ABTB3: variants seen among roughly 807,000 people sequenced by gnomAD.
ABTB3 encodes ankyrin repeat and BTB domain containing 3.
the ABTB3 span, among the ~76,000 whole-genome samples, chr12:107,465,348 C>G: frequency 3.9e-5 from 6 of 152,108 alleles, no homozygotes; most frequent in African/African-American, 1.4e-4. Flanking sequence ...GGCAGACCAG[C>G]TCCAGGGTGC....
the ABTB3 span, among the ~76,000 whole-genome samples, chr12:107,542,267 G>A: frequency 1.9e-4 from 27 of 140,592 alleles, no homozygotes; most frequent in Non-Finnish European, 3.6e-4. Flanking sequence ...AGCCGAGATC[G>A]CACCACTGCA....
At chr12:107,458,584 C>T in the ABTB3 span, among the ~76,000 whole-genome samples, 1 of 152,170 alleles carries the variant, frequency 6.6e-6, no homozygotes, top group South Asian at 2.1e-4. Flanking sequence ...ATCCACCCCT[C>T]ACATTACTGA....
chr12:107,612,918 G>T, the ABTB3 span: 1 of 1,555,942 alleles, frequency 6.4e-7, no homozygotes, highest in African/African-American at 1.4e-5. Flanking sequence ...GTCCCCAGGG[G>T]AAAGCGAGCA....
the ABTB3 span, among the ~76,000 whole-genome samples, chr12:107,466,664 C>A: frequency 6.6e-6 from 1 of 151,970 alleles, no homozygotes; most frequent in African/African-American, 2.4e-5. Context: ...TGGACTTCTG[C>A]ATGGGGTTGA....
chr12:107,511,461 C>T, the ABTB3 span, among the ~76,000 whole-genome samples: 1 of 152,052 alleles, frequency 6.6e-6, no homozygotes, highest in Admixed American at 6.6e-5. Context: ...TGGCCGGACT[C>T]TCTTACATTT....
chr12:107,626,220 T>G, the ABTB3 span, among the ~76,000 whole-genome samples: 1 of 152,186 alleles, frequency 6.6e-6, no homozygotes, highest in African/African-American at 2.4e-5. Context: ...ATATGTAATG[T>G]CCAGAGTTTT....
the ABTB3 span, among the ~76,000 whole-genome samples, chr12:107,559,369 C>A: frequency 6.6e-6 from 1 of 152,062 alleles, no homozygotes; most frequent in African/African-American, 2.4e-5. Context: ...CTGGGGCCAA[C>A]ACTCAGGGGG....
At chr12:107,324,017 C>T in the ABTB3 span, among the ~76,000 whole-genome samples, 6 of 152,098 alleles carry the variant, frequency 3.9e-5, no homozygotes, top group African/African-American at 9.7e-5. Context: ...CTTAGGTATG[C>T]GACCCAACCT....
At chr12:107,513,548 T>C in the ABTB3 span, among the ~76,000 whole-genome samples, 1 of 152,266 alleles carries the variant, frequency 6.6e-6, no homozygotes, top group Non-Finnish European at 1.5e-5. Context: ...ATTATAAGTT[T>C]CCTGAGGCCT....
At chr12:107,476,812 A>AGTGTGTGTGTGT in the ABTB3 span, among the ~76,000 whole-genome samples, 2 of 148,516 alleles carry the variant, frequency 1.3e-5, no homozygotes, top group African/African-American at 4.9e-5. Context: ...GAATGCATGA[A>AGTGTGTGTGTGT]GTGTGTGTGT....
the ABTB3 span, among the ~76,000 whole-genome samples, chr12:107,655,752 T>C: frequency 6.6e-6 from 1 of 152,184 alleles, no homozygotes; most frequent in Non-Finnish European, 1.5e-5. Flanking sequence ...TCTTTTTTCC[T>C]AGTAAACCTG....
At chr12:107,553,419 T>C in the ABTB3 span, among the ~76,000 whole-genome samples, 1 of 152,058 alleles carries the variant, frequency 6.6e-6, no homozygotes, top group African/African-American at 2.4e-5. Flanking sequence ...GTCATGCACA[T>C]TGGGGCAACT....
chr12:107,608,139 T>C, the ABTB3 span, among the ~76,000 whole-genome samples: 1 of 152,126 alleles, frequency 6.6e-6, no homozygotes, highest in Non-Finnish European at 1.5e-5. Context: ...GGGTGGTGCA[T>C]ATCTGAGGCG....
the ABTB3 span, among the ~76,000 whole-genome samples, chr12:107,480,129 C>A: frequency 6.6e-6 from 1 of 152,148 alleles, no homozygotes; most frequent in Admixed American, 6.5e-5. Context: ...TAGGGAAAGG[C>A]ATTCCAGGTA....
chr12:107,654,133 T>A, the ABTB3 span, among the ~76,000 whole-genome samples: 1 of 152,246 alleles, frequency 6.6e-6, no homozygotes, highest in Non-Finnish European at 1.5e-5. Flanking sequence ...TCTTTAAGAC[T>A]GAATAATATT....
the ABTB3 span, among the ~76,000 whole-genome samples, chr12:107,503,500 C>T: frequency 2.6e-5 from 4 of 152,006 alleles, no homozygotes; most frequent in African/African-American, 4.8e-5. Context: ...GTCGAGGTGG[C>T]TCACACCTGT....
chr12:107,377,388 TGAG>T, the ABTB3 span, among the ~76,000 whole-genome samples: 3 of 140,382 alleles, frequency 2.1e-5, no homozygotes, highest in Non-Finnish European at 4.6e-5. Context: ...AACACTTCCT[TGAG>T]AGAGAGAGAG....
At chr12:107,477,681 A>C in the ABTB3 span, among the ~76,000 whole-genome samples, 1 of 152,242 alleles carries the variant, frequency 6.6e-6, no homozygotes, top group Non-Finnish European at 1.5e-5. Context: ...CGCATAAAAC[A>C]GTTCTAGAAC....
the ABTB3 span, among the ~76,000 whole-genome samples, chr12:107,518,127 A>T: frequency 6.6e-6 from 1 of 152,196 alleles, no homozygotes; most frequent in Non-Finnish European, 1.5e-5. Context: ...GCTGGAGAGG[A>T]TGTGGAGAAA....
Sources: gnomAD v4.1 joint callset for allele counts (sites outside exome capture counted in the v4.1 genomes callset) on GRCh38, gnomAD v4.1.1 for gene constraint, MANE v1.5 for transcripts, NCBI Gene and HGNC (gene_info 2026-07-23, HGNC 2026-07-21) for gene names.